The following KIF2A variants were observed in gnomAD, a reference collection of about 807,000 sequenced individuals.
The protein encoded by KIF2A is kinesin-like protein KIF2A.
Under a neutral mutation model 100.2 loss-of-function variants are expected in KIF2A, and 22 were observed. The ratio of observed to expected loss-of-function variants is 0.22; its 90% CI spans 0.16 to 0.31. The LOEUF (loss-of-function observed/expected upper bound fraction) is 0.31, where lower values mean the gene tolerates loss of function less well. Ranked by LOEUF, KIF2A falls within the 10% of genes least tolerant of loss-of-function variation. The probability of loss-of-function intolerance (pLI) is 1.00; values close to 1 mark genes in which losing one functional copy is unlikely to be tolerated. For synonymous variants in KIF2A, 268 were observed against 285.9 expected, an observed-to-expected ratio of 0.94 and a Z score of 0.63; for missense variants, 495 against 898.7, an observed-to-expected ratio of 0.55 and a Z score of 5.74.
At chr5:62,348,271 TTG>T in intron 3 of KIF2A, 104 bp downstream of exon 3, 1 of 1,197,846 alleles carries the variant, frequency 8.3e-7, no homozygotes, top group Non-Finnish European at 1.2e-6. Context: ...AGTTTAAGAA[TTG>T]ATTAATTTGC....
intron 4 of KIF2A, among the ~76,000 whole-genome samples, chr5:62,350,439 A>G (rs1747792073): frequency 6.6e-6 from 1 of 151,984 alleles, no homozygotes; most frequent in South Asian, 2.1e-4. Flanking sequence ...CACTATGCCC[A>G]GCTAATTTTT....
intron 1 of KIF2A, among the ~76,000 whole-genome samples, chr5:62,333,741 T>G (rs1746773137): frequency 6.6e-6 from 1 of 152,178 alleles, no homozygotes; most frequent in African/African-American, 2.4e-5. Context: ...GACTATCTCC[T>G]GGGACAATTT....
At chr5:62,318,074 C>T (rs1276548598) in intron 1 of KIF2A, among the ~76,000 whole-genome samples, 1 of 151,982 alleles carries the variant, frequency 6.6e-6, no homozygotes, top group African/African-American at 2.4e-5. Context: ...GGGGGCCTGT[C>T]CAAATTTAGT....
intron 4 of KIF2A, among the ~76,000 whole-genome samples, chr5:62,352,102 G>A (rs939320346): frequency 6.7e-6 from 1 of 148,616 alleles, no homozygotes; most frequent in African/African-American, 2.5e-5. Flanking sequence ...ACAGTGAGCC[G>A]AGATTGCACC....
intron 7 of KIF2A, 140 bp from the exon 8 acceptor site, chr5:62,357,551 C>A: frequency 2.1e-6 from 1 of 469,732 alleles, no homozygotes; most frequent in Non-Finnish European, 3.7e-6. Flanking sequence ...TTGTGCAAAG[C>A]TAATTTGTTT....
At position 62,391,017 on chromosome 5, in the gene KIF2A, T is replaced by G. The variant is rs1292130495; in HGVS notation, c.*5448T>G. ...TAAGATTCAGAATAAATGAACGACA[T>G]ATCTTTAATGAGGTCACCTTGACTC... is the stretch of plus-strand genomic sequence containing the variant. On this transcript the variant is annotated 3_prime_UTR_variant, in exon 21 of 21. Coordinates refer to ENST00000407818, the MANE Select transcript of KIF2A (RefSeq NM_001098511.3). 2.6e-6 allele frequency: 4 copies of G among 1,561,796 alleles called. No individual in the cohort carries two copies. Among genetic ancestry groups the G allele is most frequent in the African/African-American group, 1.4e-5 (1 of 73,836 alleles).
chr5:62,333,862 C>T (rs781340313), intron 1 of KIF2A, among the ~76,000 whole-genome samples: 1 of 152,130 alleles, frequency 6.6e-6, no homozygotes, highest in Non-Finnish European at 1.5e-5. Context: ...GATACTTATT[C>T]AGGCCCCACA....
chr5:62,345,262 C>T (rs1747499739), intron 1 of KIF2A, among the ~76,000 whole-genome samples: 1 of 152,080 alleles, frequency 6.6e-6, no homozygotes. Flanking sequence ...GTGGCACGTG[C>T]CTGTAATCCC....
chr5:62,333,506 G>C (rs1020537041), intron 1 of KIF2A, among the ~76,000 whole-genome samples: 1 of 152,188 alleles, frequency 6.6e-6, no homozygotes, highest in Admixed American at 6.5e-5. Flanking sequence ...ATCTGTGCAA[G>C]TTTAGTGAGA....
chr5:62,325,316 G>A (rs1232006154), intron 1 of KIF2A, among the ~76,000 whole-genome samples: 2 of 151,928 alleles, frequency 1.3e-5, no homozygotes, highest in East Asian at 3.9e-4. Context: ...TAGAGATGGG[G>A]TTTCGCCATG....
At chr5:62,350,216 A>G in intron 4 of KIF2A, 96 bp downstream of exon 4, 1 of 670,144 alleles carries the variant, frequency 1.5e-6, no homozygotes, top group South Asian at 2.0e-5. Context: ...TGATGTTGGT[A>G]TTTATTTAAA....
chr5:62,357,758 A>C lies in KIF2A; in HGVS notation c.709+13A>C. 7.0e-7 allele frequency: 1 copy of C among 1,430,094 alleles called. No homozygotes were observed. Among genetic ancestry groups the C allele is most frequent in the South Asian group, 1.2e-5 (1 of 84,546 alleles). 88.6% of individuals were successfully genotyped at this position (1,430,094 alleles called of 1,614,324 possible). ...CTCAATAAAAAAGGTATGGCACTTA[A>C]TGAGCTCTAATAAAAGATTGATTTT... On this transcript the variant is annotated intron_variant, in intron 8 of 20. Coordinates refer to ENST00000407818, the MANE Select transcript of KIF2A (RefSeq NM_001098511.3).
At chr5:62,349,607 C>A (rs1225373104) in intron 3 of KIF2A, among the ~76,000 whole-genome samples, 1 of 152,124 alleles carries the variant, frequency 6.6e-6, no homozygotes, top group African/African-American at 2.4e-5. Context: ...TTTAGGATAA[C>A]TGACAATGTA....
At chr5:62,337,228 A>C (rs537717071) in intron 1 of KIF2A, among the ~76,000 whole-genome samples, 1 of 152,318 alleles carries the variant, frequency 6.6e-6, no homozygotes, top group Non-Finnish European at 1.5e-5. Flanking sequence ...ACGGTGGCTC[A>C]TGGCTGCAAT....
chr5:62,311,219 A>T (rs921195168), intron 1 of KIF2A, among the ~76,000 whole-genome samples: 15 of 152,210 alleles, frequency 9.9e-5, no homozygotes, highest in Non-Finnish European at 2.1e-4. Flanking sequence ...ACTATCAAGA[A>T]CTATGACAGT....
intron 1 of KIF2A, among the ~76,000 whole-genome samples, chr5:62,326,932 G>A (rs537892547): frequency 8.9e-4 from 136 of 152,190 alleles, no homozygotes; most frequent in African/African-American, 3.1e-3. Flanking sequence ...GGGAGGCGGA[G>A]ATTGCAGTGA....
intron 1 of KIF2A, among the ~76,000 whole-genome samples, chr5:62,322,876 A>C (rs2063256): frequency 0.87 from 119,699 of 138,254 alleles, 52,069 homozygotes; most frequent in Middle Eastern, 0.93. Context: ...TTTTTTTTTT[A>C]ATGATCATAT....
rs1221075479 is a variant in KIF2A, at chr5:62,387,046, G to A, written c.*1477G>A. Among the ~76,000 whole-genome samples the A allele has an allele frequency of 6.6e-6, 1 of 152,158 alleles. No individual in the cohort carries two copies. Among genetic ancestry groups the A allele is most frequent in the Non-Finnish European group, 1.5e-5 (1 of 68,028 alleles). On this transcript the variant is annotated 3_prime_UTR_variant, in exon 21 of 21. Coordinates refer to ENST00000407818, the MANE Select transcript of KIF2A (RefSeq NM_001098511.3). Reference sequence around the variant, plus strand: ...TATGAATAGAGGGTCACATGAGCCAGATTCTTTACTGTTCATAAAACCCAG... The same window carrying A: ...TATGAATAGAGGGTCACATGAGCCAAATTCTTTACTGTTCATAAAACCCAG...
At chr5:62,381,799 G>T (rs891220033) in intron 20 of KIF2A, among the ~76,000 whole-genome samples, 6 of 152,234 alleles carry the variant, frequency 3.9e-5, no homozygotes, top group Admixed American at 1.3e-4. Context: ...CTGGGCTCAA[G>T]CAGTCCTCCT....
Sources: gnomAD v4.1 joint callset for allele counts (sites outside exome capture counted in the v4.1 genomes callset) on GRCh38, gnomAD v4.1.1 for gene constraint, MANE v1.5 for transcripts, NCBI Gene and HGNC (gene_info 2026-07-23, HGNC 2026-07-21) for gene names.